SLC35F1: variants seen among roughly 807,000 people sequenced by gnomAD.
SLC35F1 encodes chromosome 6 open reading frame 169.
A neutral mutation model predicts 48.7 loss-of-function variants in SLC35F1; 14 were observed. The ratio of observed to expected loss-of-function variants is 0.29; its 90% confidence interval spans 0.19 to 0.45. The LOEUF (loss-of-function observed/expected upper bound fraction) is 0.45. SLC35F1 is among the 20% of genes least tolerant of loss of function. The probability of loss-of-function intolerance (pLI) is 1.00; values close to 1 mark genes in which losing one functional copy is unlikely to be tolerated. For synonymous variants in SLC35F1, 190 were observed against 202.2 expected, an observed-to-expected ratio of 0.94 and a Z score of 0.51; for missense variants, 404 against 500.0, an observed-to-expected ratio of 0.81 and a Z score of 1.83.
At chr6:117,917,022 C>A (rs1775835484) in intron 1 of SLC35F1, among the ~76,000 whole-genome samples, 1 of 152,114 alleles carries the variant, frequency 6.6e-6, no homozygotes, top group Admixed American at 6.5e-5. Flanking sequence ...CCAACAGTGG[C>A]AAATAATATG....
chr6:118,088,391 G>T (rs1773022682), intron 1 of SLC35F1, among the ~76,000 whole-genome samples: 1 of 152,174 alleles, frequency 6.6e-6, no homozygotes, highest in Non-Finnish European at 1.5e-5. Flanking sequence ...CATCAGGTAT[G>T]CAGGGTTGCC....
chr6:118,013,307 G>T (rs1443931785), intron 1 of SLC35F1, among the ~76,000 whole-genome samples: 1 of 152,158 alleles, frequency 6.6e-6, no homozygotes, highest in African/African-American at 2.4e-5. Context: ...GTTGGGGAGG[G>T]TGTGGACTGG....
intron 1 of SLC35F1, among the ~76,000 whole-genome samples, chr6:118,020,200 A>C (rs1347958999): frequency 6.6e-6 from 1 of 152,218 alleles, no homozygotes; most frequent in Non-Finnish European, 1.5e-5. Context: ...CTGGCCTTTG[A>C]CACATCTGAA....
At chr6:118,016,557 T>G (rs1477585471) in intron 1 of SLC35F1, among the ~76,000 whole-genome samples, 1 of 151,244 alleles carries the variant, frequency 6.6e-6, no homozygotes, top group East Asian at 1.9e-4. Flanking sequence ...AGGCATAGAA[T>G]TCATTTCTGA....
chr6:118,116,111 G>A (rs1195439751), intron 1 of SLC35F1, among the ~76,000 whole-genome samples: 3 of 152,136 alleles, frequency 2.0e-5, no homozygotes, highest in African/African-American at 4.8e-5. Context: ...CTGTCCTTTT[G>A]TATAGTGCCC....
At chr6:118,305,131 G>C (rs1193168771) in intron 7 of SLC35F1, among the ~76,000 whole-genome samples, 1 of 144,268 alleles carries the variant, frequency 6.9e-6, no homozygotes, top group Non-Finnish European at 1.5e-5. Context: ...TTAAGGAATT[G>C]ATTCAGGCCA....
At chr6:118,232,975 T>G (rs558435977) in intron 2 of SLC35F1, among the ~76,000 whole-genome samples, 131 of 151,574 alleles carry the variant, frequency 8.6e-4, no homozygotes, top group African/African-American at 3.1e-3. Context: ...TTTTCTGGTT[T>G]TTTTTTTTTT....
intron 1 of SLC35F1, among the ~76,000 whole-genome samples, chr6:118,016,440 A>G (rs921521326): frequency 5.9e-5 from 9 of 152,238 alleles, no homozygotes; most frequent in African/African-American, 2.2e-4. Flanking sequence ...AGGCCAAGAA[A>G]TCTGAATTCT....
At chr6:118,120,883 G>A (rs1165264146) in intron 1 of SLC35F1, among the ~76,000 whole-genome samples, 1 of 152,022 alleles carries the variant, frequency 6.6e-6, no homozygotes, top group Non-Finnish European at 1.5e-5. Flanking sequence ...AGCCTCAATT[G>A]CAGTAGTTAA....
chr6:117,960,652 AAAAGTGGGT>A (rs1469953781), intron 1 of SLC35F1, among the ~76,000 whole-genome samples: 1 of 152,162 alleles, frequency 6.6e-6, no homozygotes, highest in Non-Finnish European at 1.5e-5. Context: ...TATCCCCCCC[AAAAGTGGGT>A]ACAGTATGAA....
chr6:118,302,349 A>G (rs927019536), intron 7 of SLC35F1, among the ~76,000 whole-genome samples: 2 of 152,182 alleles, frequency 1.3e-5, no homozygotes, highest in African/African-American at 2.4e-5. Flanking sequence ...TTTCACACAT[A>G]TAGTGCACCC....
chr6:117,916,560 T>C (rs1775828455), intron 1 of SLC35F1, among the ~76,000 whole-genome samples: 1 of 152,158 alleles, frequency 6.6e-6, no homozygotes, highest in Non-Finnish European at 1.5e-5. Context: ...AGGCTGACAA[T>C]AGCTACAAGT....
chr6:118,050,157 T>C (rs965695541), intron 1 of SLC35F1, among the ~76,000 whole-genome samples: 1 of 151,948 alleles, frequency 6.6e-6, no homozygotes, highest in African/African-American at 2.4e-5. Context: ...TAGGTGGGAA[T>C]TGAACAATGA....
chr6:118,259,071 C>A (rs567981975), intron 3 of SLC35F1, among the ~76,000 whole-genome samples: 3 of 151,346 alleles, frequency 2.0e-5, no homozygotes, highest in East Asian at 1.9e-4. Flanking sequence ...CGATAAAGGT[C>A]TAATAGCCTT....
At chr6:118,015,630 C>T (rs1226991011) in intron 1 of SLC35F1, among the ~76,000 whole-genome samples, 5 of 152,012 alleles carry the variant, frequency 3.3e-5, no homozygotes. Flanking sequence ...TTTTTAATCT[C>T]TCCTTACTTC....
intron 2 of SLC35F1, among the ~76,000 whole-genome samples, chr6:118,224,065 AG>A (rs1775184987): frequency 6.6e-6 from 1 of 152,256 alleles, no homozygotes; most frequent in Non-Finnish European, 1.5e-5. Flanking sequence ...AATGGGATTA[AG>A]GAAAGGAAAA....
At chr6:118,231,371 A>T (rs1445672598) in intron 2 of SLC35F1, among the ~76,000 whole-genome samples, 6 of 152,192 alleles carry the variant, frequency 3.9e-5, no homozygotes, top group Admixed American at 3.9e-4. Context: ...TGTTTCTTAT[A>T]GATGGCCCTG....
chr6:118,023,081 G>A (rs540081329), intron 1 of SLC35F1, among the ~76,000 whole-genome samples: 15 of 152,212 alleles, frequency 9.9e-5, no homozygotes, highest in African/African-American at 3.6e-4. Context: ...ATAATGCTCA[G>A]CCACCCTTAT....
At chr6:118,185,167 T>C (rs984945533) in intron 2 of SLC35F1, among the ~76,000 whole-genome samples, 5 of 152,192 alleles carry the variant, frequency 3.3e-5, no homozygotes, top group Admixed American at 6.5e-5. Flanking sequence ...GTTTCCCCAT[T>C]TCTTCCCCCT....
Sources: allele counts gnomAD v4.1 joint callset (sites outside exome capture counted in the v4.1 genomes callset), GRCh38; gene constraint gnomAD v4.1.1; transcripts MANE v1.5; gene names NCBI Gene and HGNC (gene_info 2026-07-23, HGNC 2026-07-21).